The following CHSY3 variants were observed in gnomAD, a reference collection of about 807,000 sequenced individuals.
The protein encoded by CHSY3 is N-acetylgalactosaminyl-proteoglycan 3-beta-glucuronosyltransferase 3.
Under a neutral mutation model 67.2 loss-of-function variants are expected in CHSY3, and 35 were observed. That is an observed-to-expected ratio of 0.52 (90% CI 0.40 to 0.69). CHSY3 has a LOEUF of 0.69. Among genes scored for constraint, CHSY3 ranks in the 30% least tolerant of loss-of-function variants. CHSY3 has a pLI of 0.00. For missense variants in CHSY3, 1,069 were observed against 1,138.5 expected (o/e 0.94, Z 0.88); for synonymous variants, 474 against 434.7 (o/e 1.09, Z -1.12).
Position 129,908,238 on chromosome 5 carries a change from C to T in CHSY3, c.964C>T (p.Leu322Phe), listed in dbSNP as rs1269250453. ...TGGCATGATCTTTAGCCGAGAAGTTCTCAGGAGGATGGTGCCACATATTGG... is the reference window on the plus strand; with the variant it reads ...TGGCATGATCTTTAGCCGAGAAGTTTTCAGGAGGATGGTGCCACATATTGG... ...GPGMIFSREVLRRMVPHIGEC... is the reference protein window; with the variant it reads ...GPGMIFSREVFRRMVPHIGEC... Residue 322 changes from leucine (L) to phenylalanine (F), a missense_variant, in exon 2 of 3, where the codon CTC (leucine) becomes TTC (phenylalanine). By Grantham distance (22) the Leu-to-Phe change is conservative. Transcript: ENST00000305031. 6.2e-7 allele frequency: 1 copy of T among 1,614,118 alleles called. No homozygotes were observed. The highest frequency in any genetic ancestry group is 8.5e-7 in the Non-Finnish European group (1 of 1,180,016).
chr5:130,004,987 G>T (rs914548966), intron 2 of CHSY3, among the ~76,000 whole-genome samples: 3 of 152,068 alleles, frequency 2.0e-5, no homozygotes, highest in Non-Finnish European at 4.4e-5. Context: ...CTGATAGTTT[G>T]TAAGTATGCT....
chr5:130,152,004 G>A (rs927114380), intron 2 of CHSY3, among the ~76,000 whole-genome samples: 4 of 152,164 alleles, frequency 2.6e-5, no homozygotes, highest in Admixed American at 1.3e-4. Context: ...TCTATGCCAG[G>A]CACTAGGTGC....
chr5:130,179,898 A>G (rs187386785), intron 2 of CHSY3, among the ~76,000 whole-genome samples: 100 of 152,284 alleles, frequency 6.6e-4, no homozygotes, highest in African/African-American at 2.4e-3. Context: ...CAAAGAAAAG[A>G]CATAGATTTT....
At chr5:130,178,093 T>C (rs1770109041) in intron 2 of CHSY3, among the ~76,000 whole-genome samples, 1 of 149,150 alleles carries the variant, frequency 6.7e-6, no homozygotes, top group Non-Finnish European at 1.5e-5. Flanking sequence ...TGATTATGTG[T>C]GGATAGATGG....
chr5:130,143,784 G>GTGTATATATATATATATATGTGTGTATA (rs1179526892), intron 2 of CHSY3, among the ~76,000 whole-genome samples: 7 of 73,830 alleles, frequency 9.5e-5, no homozygotes, highest in African/African-American at 4.3e-4. Context: ...ATATATATGT[G>GTGTATATATATATATATATGTGTGTATA]TATATATATA....
intron 2 of CHSY3, among the ~76,000 whole-genome samples, chr5:130,131,309 G>A (rs1768477125): frequency 6.6e-6 from 1 of 152,158 alleles, no homozygotes; most frequent in East Asian, 1.9e-4. Flanking sequence ...AGACACCACT[G>A]TTGCCTCTTA....
intron 2 of CHSY3, among the ~76,000 whole-genome samples, chr5:130,003,070 G>A (rs938033147): frequency 1.3e-5 from 2 of 152,162 alleles, no homozygotes; most frequent in African/African-American, 4.8e-5. Flanking sequence ...TTTGTTCTAA[G>A]CTGTCCTTCA....
intron 2 of CHSY3, among the ~76,000 whole-genome samples, chr5:130,112,578 T>C (rs1244550879): frequency 1.3e-5 from 2 of 152,106 alleles, no homozygotes; most frequent in Non-Finnish European, 2.9e-5. Context: ...CACTCCCCTA[T>C]AGAATAGTCT....
At chr5:130,042,550 C>G (rs1470245064) in intron 2 of CHSY3, among the ~76,000 whole-genome samples, 1 of 152,074 alleles carries the variant, frequency 6.6e-6, no homozygotes, top group East Asian at 1.9e-4. Context: ...GAAACTATTT[C>G]AGTATTTGTT....
intron 2 of CHSY3, among the ~76,000 whole-genome samples, chr5:130,174,368 T>A (rs1290783163): frequency 6.6e-6 from 1 of 151,640 alleles, no homozygotes; most frequent in Non-Finnish European, 1.5e-5. Context: ...TTTACATAAG[T>A]AAATTAAGGA....
intron 2 of CHSY3, among the ~76,000 whole-genome samples, chr5:130,080,515 T>C (rs1766413197): frequency 6.6e-6 from 1 of 152,156 alleles, no homozygotes; most frequent in Non-Finnish European, 1.5e-5. Flanking sequence ...CTTAGGATAT[T>C]AGGTAAAACC....
At chr5:129,958,675 C>T (rs1171448962) in intron 2 of CHSY3, among the ~76,000 whole-genome samples, 6 of 152,086 alleles carry the variant, frequency 3.9e-5, no homozygotes, top group African/African-American at 1.2e-4. Context: ...AGACTACAGG[C>T]ACATGCCACC....
chr5:130,004,870 C>T (rs1763828048), intron 2 of CHSY3, among the ~76,000 whole-genome samples: 2 of 151,940 alleles, frequency 1.3e-5, no homozygotes, highest in South Asian at 4.2e-4. Flanking sequence ...TGATTATAAT[C>T]TCAATATTAT....
chr5:130,132,448 CA>C (rs1768512417), intron 2 of CHSY3, among the ~76,000 whole-genome samples: 3 of 152,058 alleles, frequency 2.0e-5, no homozygotes, highest in Admixed American at 2.0e-4. Flanking sequence ...ATAAGTATAA[CA>C]AAAACCACAA....
intron 2 of CHSY3, among the ~76,000 whole-genome samples, chr5:130,146,850 A>G (rs1333416040): frequency 1.3e-5 from 2 of 151,948 alleles, no homozygotes; most frequent in African/African-American, 2.4e-5. Flanking sequence ...CTGGAGTGCA[A>G]TGGCGCGATC....
At chr5:130,074,567 C>A (rs1766190957) in intron 2 of CHSY3, among the ~76,000 whole-genome samples, 1 of 152,144 alleles carries the variant, frequency 6.6e-6, no homozygotes, top group South Asian at 2.1e-4. Context: ...TACATGACTT[C>A]CACAATGTCT....
chr5:129,957,756 C>T (rs1046160203), intron 2 of CHSY3, among the ~76,000 whole-genome samples: 4 of 152,016 alleles, frequency 2.6e-5, no homozygotes, highest in Admixed American at 6.6e-5. Flanking sequence ...TCCTTTATCC[C>T]CAGTGCTGTA....
intron 2 of CHSY3, among the ~76,000 whole-genome samples, chr5:129,965,933 G>A (rs1046305953): frequency 6.6e-6 from 1 of 151,802 alleles, no homozygotes; most frequent in Non-Finnish European, 1.5e-5. Context: ...AGGAGTAGTT[G>A]ACTAACTCGT....
chr5:130,135,501 T>A (rs1259141494), intron 2 of CHSY3, among the ~76,000 whole-genome samples: 1 of 152,168 alleles, frequency 6.6e-6, no homozygotes, highest in African/African-American at 2.4e-5. Flanking sequence ...TTCCTTTCTC[T>A]TATATTTTCA....
Sources: allele counts gnomAD v4.1 joint callset (sites outside exome capture counted in the v4.1 genomes callset), GRCh38; gene constraint gnomAD v4.1.1; transcripts MANE v1.5; gene names NCBI Gene and HGNC (gene_info 2026-07-23, HGNC 2026-07-21).